Variants in LCORL observed in about 807,000 individuals in gnomAD.
LCORL encodes the protein ligand dependent nuclear receptor corepressor like.
A neutral mutation model predicts 141.8 loss-of-function variants in LCORL; 41 were observed. That is an observed-to-expected ratio of 0.29 (90% confidence interval 0.23 to 0.38). The LOEUF (loss-of-function observed/expected upper bound fraction) is 0.38. Ranked by LOEUF, LCORL falls within the 10% of genes least tolerant of loss-of-function variation. LCORL has a pLI of 1.00. For synonymous variants in LCORL, 618 were observed against 694.1 expected (o/e 0.89, Z 1.72); for missense variants, 1,759 against 2,035.0 (o/e 0.86, Z 2.61).
chr4:17,980,884 G>A (rs1717864289), intron 1 of LCORL, among the ~76,000 whole-genome samples: 1 of 152,078 alleles, frequency 6.6e-6, no homozygotes, highest in East Asian at 1.9e-4. Context: ...TACTCCTTAT[G>A]AGAATCTAAT....
At chr4:17,881,779 G>A (rs1243675408) in intron 6 of LCORL, 2 of 979,394 alleles carry the variant, frequency 2.0e-6, no homozygotes, top group Non-Finnish European at 2.4e-6. Flanking sequence ...AGTTTTCCAA[G>A]TAAAATTCTG....
chr4:17,962,858 T>C, intron 3 of LCORL, 112 bp downstream of exon 3: 2 of 470,326 alleles, frequency 4.3e-6, no homozygotes, highest in Non-Finnish European at 7.5e-6. Context: ...CAAAATCAAA[T>C]ACTTAAACTT....
In LCORL at chr4:18,021,834, G is replaced by T. The variant is rs986840975; in HGVS notation, c.-83C>A. The T allele has an allele frequency of 1.4e-6, 2 of 1,389,024 alleles. No individual in the cohort carries two copies. The highest frequency in any genetic ancestry group is 6.9e-5 in the Admixed American group (2 of 28,880). The allele number at this position is 1,389,024 out of a possible 1,614,324, so 86.0% of individuals were successfully genotyped here. ...GGCGCGAGCCCTCGGCGCGAGCCCC[G>T]GAGCGCGCGCCCCCCGGAGGGGGGT... On this transcript the variant is annotated 5_prime_UTR_variant, in exon 1 of 8. Coordinates refer to ENST00000635767, the Ensembl canonical transcript of LCORL. The surrounding 1 kb of genome is among the most constrained non-coding windows in gnomAD (Gnocchi z 5.5).
chr4:17,979,752 T>C (rs1362745400), intron 1 of LCORL, among the ~76,000 whole-genome samples: 1 of 152,186 alleles, frequency 6.6e-6, no homozygotes, highest in Non-Finnish European at 1.5e-5. Context: ...AGAGTTCTAA[T>C]ACCCAGTACC....
intron 4 of LCORL, among the ~76,000 whole-genome samples, chr4:17,924,559 T>C (rs1476024732): frequency 6.6e-6 from 1 of 152,204 alleles, no homozygotes; most frequent in Non-Finnish European, 1.5e-5. Flanking sequence ...CAACAGTTTG[T>C]CCTCACTGGA....
chr4:18,005,407 G>C (rs1007061688), intron 1 of LCORL, among the ~76,000 whole-genome samples: 1 of 152,160 alleles, frequency 6.6e-6, no homozygotes, highest in African/African-American at 2.4e-5. Flanking sequence ...CATGATGTAA[G>C]CTGTCAGTGG....
intron 4 of LCORL, among the ~76,000 whole-genome samples, chr4:17,935,716 C>T (rs1736741531): frequency 6.6e-6 from 1 of 152,236 alleles, no homozygotes; most frequent in African/African-American, 2.4e-5. Context: ...TGGCACCACA[C>T]TTCTTGTGAA....
At chr4:17,970,034 C>T (rs1376340763) in intron 2 of LCORL, among the ~76,000 whole-genome samples, 1 of 152,054 alleles carries the variant, frequency 6.6e-6, no homozygotes, top group Non-Finnish European at 1.5e-5. Context: ...TCAACATTAA[C>T]AAAGACAAGC....
chr4:17,979,304 GCTCC>G (rs1160785423), intron 1 of LCORL, among the ~76,000 whole-genome samples: 1 of 152,116 alleles, frequency 6.6e-6, no homozygotes, highest in Non-Finnish European at 1.5e-5. Context: ...CCAGTTTTGT[GCTCC>G]CTGTTTTCCA....
chr4:17,863,434 C>T (rs1024522977), intron 7 of LCORL, among the ~76,000 whole-genome samples: 1 of 152,100 alleles, frequency 6.6e-6, no homozygotes, highest in African/African-American at 2.4e-5. Context: ...AAATCAGAAC[C>T]ACAATGAGAT....
At chr4:17,952,225 G>A (rs532164260) in intron 4 of LCORL, among the ~76,000 whole-genome samples, 15 of 151,974 alleles carry the variant, frequency 9.9e-5, no homozygotes, top group African/African-American at 3.6e-4. Flanking sequence ...AACACAGACG[G>A]TAATTCAAAA....
chr4:17,948,959 G>A (rs1367631042), intron 4 of LCORL, among the ~76,000 whole-genome samples: 2 of 151,962 alleles, frequency 1.3e-5, no homozygotes, highest in African/African-American at 4.8e-5. Flanking sequence ...GCAGCGTAAG[G>A]GCTGAGAATA....
chr4:17,876,857 G>A lies in LCORL; in HGVS notation c.2133C>T (p.Asn711=), dbSNP rs547973144. Residue 711 remains asparagine, a synonymous_variant, in exon 7 of 8, where the codon AAC becomes AAT. Transcript: ENST00000635767. The stretch of plus-strand genomic sequence containing the variant: ...TTTCTGAAAATTCATTAAAAGACAA[G>A]TTAGTTTCTGAACTATGAAGAGGTA... The A allele has an allele frequency of 1.4e-3, 1,747 of 1,230,728 alleles. 4 individuals carry two copies. The highest frequency in any genetic ancestry group is 1.7e-3 in the Non-Finnish European group (1,636 of 987,004). 76.2% of individuals were successfully genotyped at this position (1,230,728 alleles called of 1,614,324 possible). A position where few individuals can be genotyped will look rare whatever the true frequency, so the allele number is the denominator to read the frequency against.
chr4:17,877,850 G>A (rs932951415), exon 7 of LCORL: 5 of 1,230,510 alleles, frequency 4.1e-6, no homozygotes, highest in African/African-American at 3.1e-5. Flanking sequence ...CTGGCTTAAC[G>A]TGTTCAACAG....
intron 4 of LCORL, among the ~76,000 whole-genome samples, chr4:17,915,608 C>T (rs1733272101): frequency 6.6e-6 from 1 of 152,132 alleles, no homozygotes; most frequent in Non-Finnish European, 1.5e-5. Flanking sequence ...TAGCCACAGC[C>T]TTTAAGAAGG....
intron 5 of LCORL, chr4:17,893,721 C>T (rs895936282): frequency 4.1e-6 from 1 of 246,654 alleles, no homozygotes; most frequent in African/African-American, 2.3e-5. Flanking sequence ...GTTTTTACAG[C>T]TGGTATCTTC....
chr4:18,010,853 T>A (rs1723650034), intron 1 of LCORL, among the ~76,000 whole-genome samples: 1 of 152,198 alleles, frequency 6.6e-6, no homozygotes, highest in African/African-American at 2.4e-5. Context: ...GATACAACCC[T>A]GCAAAAATTA....
intron 7 of LCORL, among the ~76,000 whole-genome samples, chr4:17,854,364 T>C (rs1179385089): frequency 1.3e-5 from 2 of 152,206 alleles, no homozygotes; most frequent in Non-Finnish European, 2.9e-5. Flanking sequence ...TGTGAGTTAA[T>C]GTTAGTACTA....
In LCORL at chr4:17,884,555, T is replaced by C; in HGVS notation, c.776+1513A>G. The C allele has an allele frequency of 1.3e-6, 2 of 1,535,398 alleles. No individual in the cohort carries two copies. Among genetic ancestry groups the C allele is most frequent in the South Asian group, 1.2e-5 (1 of 81,924 alleles). ...ACTATCATGGAAATCTCGAGTTTTG[T>C]TTTTAAAAGATGCAGGCTTCCCTGC... On this transcript the variant is annotated intron_variant, in intron 6 of 7. Transcript: ENST00000635767. This position sits in a 1 kb window ranked among gnomAD's most constrained non-coding sequence, Gnocchi z 4.4.
Sources: allele counts gnomAD v4.1 joint callset (sites outside exome capture counted in the v4.1 genomes callset), GRCh38; gene constraint gnomAD v4.1.1; non-coding constraint Gnocchi (gnomAD v3.1); transcripts MANE v1.5; gene names NCBI Gene and HGNC (gene_info 2026-07-23, HGNC 2026-07-21).